GPC5: variants seen among roughly 807,000 people sequenced by gnomAD.
GPC5 encodes the protein glypican 5.
A neutral mutation model predicts 53.9 loss-of-function variants in GPC5; 47 were observed. The ratio of observed to expected loss-of-function variants is 0.87; its 90% confidence interval spans 0.69 to 1.11. The LOEUF (loss-of-function observed/expected upper bound fraction) is 1.11, where lower values mean the gene tolerates loss of function less well. Ranked by LOEUF, GPC5 falls within the 50% of genes most tolerant of loss-of-function variation. The pLI is 0.00. For missense variants in GPC5, 748 were observed against 713.1 expected (o/e 1.05, Z -0.56); for synonymous variants, 286 against 263.3 (o/e 1.09, Z -0.84).
intron 2 of GPC5, among the ~76,000 whole-genome samples, chr13:91,680,029 G>A (rs1055237507): frequency 6.6e-6 from 1 of 151,992 alleles, no homozygotes; most frequent in Non-Finnish European, 1.5e-5. Flanking sequence ...AACGAAATGA[G>A]TCTATAGCTT....
intron 7 of GPC5, among the ~76,000 whole-genome samples, chr13:92,174,657 T>G (rs1384560492): frequency 6.6e-6 from 1 of 152,206 alleles, no homozygotes; most frequent in Non-Finnish European, 1.5e-5. Context: ...CAAAAAGTAT[T>G]AATCACTTTA....
At chr13:91,585,496 G>A (rs2032527315) in intron 2 of GPC5, among the ~76,000 whole-genome samples, 2 of 152,110 alleles carry the variant, frequency 1.3e-5, no homozygotes, top group Admixed American at 1.3e-4. Flanking sequence ...AAAAACATGG[G>A]TGAATCTTAC....
chr13:92,127,026 A>AT (rs199837661), intron 6 of GPC5, among the ~76,000 whole-genome samples: 22 of 151,368 alleles, frequency 1.5e-4, no homozygotes, highest in African/African-American at 3.6e-4. Context: ...AGCTGGTCAT[A>AT]TTTTTTTTTC....
At chr13:92,515,838 A>G (rs1880755446) in intron 7 of GPC5, among the ~76,000 whole-genome samples, 1 of 152,192 alleles carries the variant, frequency 6.6e-6, no homozygotes, top group Admixed American at 6.5e-5. Context: ...AGTTGTTCTA[A>G]AACATGAAAA....
chr13:92,314,865 C>T lies in GPC5; in HGVS notation c.1561+169876C>T, dbSNP rs541878742. On this transcript the variant is annotated intron_variant, in intron 7 of 7. Coordinates refer to ENST00000377067, the MANE Select transcript of GPC5 (RefSeq NM_004466.6). ...ATGGCTCACTGCAGCCTCAACACCCCCCATGCTCAAGCGATTCTCCCACCT... is the reference window on the plus strand; with the variant it reads ...ATGGCTCACTGCAGCCTCAACACCCTCCATGCTCAAGCGATTCTCCCACCT... Among the ~76,000 whole-genome samples the T allele has an allele frequency of 6.8e-4, 104 of 152,122 alleles. 1 individual carries two copies. The highest frequency in any genetic ancestry group is 1.3e-3 in the Non-Finnish European group (87 of 68,022).
At chr13:91,593,739 C>G (rs2032890208) in intron 2 of GPC5, among the ~76,000 whole-genome samples, 1 of 151,974 alleles carries the variant, frequency 6.6e-6, no homozygotes. Flanking sequence ...GCCCAAGTAA[C>G]ATGATTTTTT....
intron 7 of GPC5, among the ~76,000 whole-genome samples, chr13:92,748,311 T>TTTATTATTATTATTATTATTA (rs71202559): frequency 4.2e-5 from 6 of 142,348 alleles, no homozygotes; most frequent in South Asian, 2.2e-4. Context: ...TGCATTTTAT[T>TTTATTATTATTATTATTATTA]TTATTATTAT....
chr13:91,502,704 C>T (rs1002917336), intron 2 of GPC5, among the ~76,000 whole-genome samples: 2 of 152,194 alleles, frequency 1.3e-5, no homozygotes, highest in South Asian at 2.1e-4. Flanking sequence ...GCACCACTCA[C>T]GACAGCTAAA....
intron 6 of GPC5, among the ~76,000 whole-genome samples, chr13:92,025,484 C>T (rs1212779882): frequency 1.3e-5 from 2 of 152,108 alleles, no homozygotes; most frequent in Non-Finnish European, 2.9e-5. Context: ...AGCTCATAAG[C>T]AGATAAGCGG....
intron 7 of GPC5, among the ~76,000 whole-genome samples, chr13:92,337,914 A>T (rs764359317): frequency 3.3e-5 from 5 of 152,158 alleles, no homozygotes; most frequent in Non-Finnish European, 7.4e-5. Flanking sequence ...GGCTTTTTAG[A>T]TATACCACCA....
chr13:92,683,943 G>A (rs1042229187), intron 7 of GPC5, among the ~76,000 whole-genome samples: 3 of 152,120 alleles, frequency 2.0e-5, no homozygotes, highest in Admixed American at 1.3e-4. Context: ...TTATATTAGG[G>A]TTCACTCTTT....
chr13:91,836,549 G>T (rs546721154), intron 5 of GPC5, among the ~76,000 whole-genome samples: 1 of 152,128 alleles, frequency 6.6e-6, no homozygotes, highest in Non-Finnish European at 1.5e-5. Flanking sequence ...TTTGATAAAA[G>T]TGTATTGATA....
At chr13:92,264,437 A>G (rs1416408163) in intron 7 of GPC5, among the ~76,000 whole-genome samples, 1 of 152,132 alleles carries the variant, frequency 6.6e-6, no homozygotes, top group East Asian at 1.9e-4. Flanking sequence ...CTGTGCCTAA[A>G]TGGTGGTTTT....
At chr13:92,636,854 A>G (rs1266618523) in intron 7 of GPC5, among the ~76,000 whole-genome samples, 6 of 152,106 alleles carry the variant, frequency 3.9e-5, no homozygotes, top group Non-Finnish European at 8.8e-5. Flanking sequence ...TACGTGGAAA[A>G]CTGAACTCAT....
At chr13:91,850,468 A>G (rs1199165397) in intron 5 of GPC5, among the ~76,000 whole-genome samples, 1 of 152,142 alleles carries the variant, frequency 6.6e-6, no homozygotes, top group Non-Finnish European at 1.5e-5. Context: ...AAGGGATTTA[A>G]TGTTGCCCTC....
intron 7 of GPC5, among the ~76,000 whole-genome samples, chr13:92,147,205 T>C (rs908101410): frequency 6.6e-6 from 1 of 152,042 alleles, no homozygotes; most frequent in Admixed American, 6.6e-5. Flanking sequence ...ATTTTTTTTT[T>C]ACTAAAAGCT....
At chr13:92,728,863 A>G (rs888538395) in intron 7 of GPC5, among the ~76,000 whole-genome samples, 1 of 151,420 alleles carries the variant, frequency 6.6e-6, no homozygotes, top group Non-Finnish European at 1.5e-5. Flanking sequence ...AGTTGCAGAA[A>G]CTAGGAACTG....
chr13:92,858,382 T>C (rs1288722274), intron 7 of GPC5, among the ~76,000 whole-genome samples: 1 of 152,192 alleles, frequency 6.6e-6, no homozygotes, highest in Non-Finnish European at 1.5e-5. Context: ...TATGTGGAAC[T>C]GTGAGTTAAT....
At chr13:92,250,919 C>G (rs2042688180) in intron 7 of GPC5, among the ~76,000 whole-genome samples, 1 of 151,886 alleles carries the variant, frequency 6.6e-6, no homozygotes, top group Non-Finnish European at 1.5e-5. Context: ...TGAAAGAAAT[C>G]TGTTCGGAAA....
Sources: gnomAD v4.1 joint callset for allele counts (sites outside exome capture counted in the v4.1 genomes callset) on GRCh38, gnomAD v4.1.1 for gene constraint, MANE v1.5 for transcripts, NCBI Gene and HGNC (gene_info 2026-07-23, HGNC 2026-07-21) for gene names.